The following EYS variants were observed in gnomAD, a reference collection of about 807,000 sequenced individuals.
EYS encodes the protein EGF-like photoreceptor maintenance factor, also known as protein eyes shut homolog.
In EYS, 250 loss-of-function variants were observed where a neutral mutation model predicts 282.1. The observed-to-expected ratio is 0.89, with a 90% CI of 0.80 to 0.98. The LOEUF (loss-of-function observed/expected upper bound fraction) is 0.98. Among genes scored for constraint, EYS ranks in the 50% least tolerant of loss-of-function variants. The pLI is 0.00. For synonymous variants in EYS, 1,355 were observed against 1,282.9 expected (o/e 1.06, Z -1.20); for missense variants, 4,016 against 3,709.0 (o/e 1.08, Z -2.15).
chr6:64,561,901 A>G (rs560297905), intron 26 of EYS, among the ~76,000 whole-genome samples: 2 of 148,416 alleles, frequency 1.3e-5, no homozygotes, highest in African/African-American at 4.9e-5. Context: ...CAAAACTATT[A>G]TAAAATTCAC....
rs141107585 is a variant in EYS, at chr6:63,945,037, G to A, written c.7055+39346C>T. On this transcript the variant is annotated intron_variant, in intron 35 of 42. Coordinates refer to ENST00000503581, the MANE Select transcript of EYS (RefSeq NM_001142800.2). ...GTCAATGACATATATTTGGTTATAC[G>A]GAAGTAAATCACTGTTTTGATAAAT... is the stretch of plus-strand genomic sequence containing the variant. Among the ~76,000 whole-genome samples the A allele has an allele frequency of 2.8e-4, 43 of 152,184 alleles. No homozygotes were observed. The East Asian group carries it at 5.4e-3, about 19-fold the overall frequency.
At chr6:64,895,176 A>T (rs1287473067) in intron 18 of EYS, among the ~76,000 whole-genome samples, 1 of 152,182 alleles carries the variant, frequency 6.6e-6, no homozygotes, top group Non-Finnish European at 1.5e-5. Flanking sequence ...AATAAGATGA[A>T]TGATAGAATA....
intron 22 of EYS, among the ~76,000 whole-genome samples, chr6:64,694,382 AG>A (rs1410466972): frequency 2.0e-5 from 3 of 152,180 alleles, no homozygotes. Flanking sequence ...ATGCATAAGA[AG>A]GAAAAAGAAT....
intron 13 of EYS, among the ~76,000 whole-genome samples, chr6:65,042,413 A>G (rs1470064199): frequency 6.6e-6 from 1 of 151,072 alleles, no homozygotes. Context: ...AATTTGGCCT[A>G]TTGTTTTTTG....
At chr6:65,013,638 G>C (rs1771950928) in intron 13 of EYS, among the ~76,000 whole-genome samples, 1 of 152,156 alleles carries the variant, frequency 6.6e-6, no homozygotes, top group South Asian at 2.1e-4. Context: ...GACTTTGGGA[G>C]GCCAAGGTGG....
At chr6:65,570,025 G>C (rs910767700) in intron 2 of EYS, among the ~76,000 whole-genome samples, 1 of 152,056 alleles carries the variant, frequency 6.6e-6, no homozygotes, top group Non-Finnish European at 1.5e-5. Context: ...AGTCAGCCAT[G>C]AAAGAAAGAT....
intron 15 of EYS, among the ~76,000 whole-genome samples, chr6:64,918,149 C>A (rs1768223439): frequency 6.6e-6 from 1 of 152,078 alleles, no homozygotes; most frequent in African/African-American, 2.4e-5. Flanking sequence ...CAATCTTCTT[C>A]TTGGAAATAA....
At position 65,180,013 on chromosome 6, in the gene EYS, T is replaced by A. The variant is rs1765333229; in HGVS notation, c.2023+115850A>T. Among the ~76,000 whole-genome samples, 3 of 152,052 alleles carry A rather than the reference T, an allele frequency of 2.0e-5. No homozygotes were observed. In the South Asian group the frequency reaches 6.2e-4, roughly 31 times the overall value. On this transcript the variant is annotated intron_variant, in intron 12 of 42. Coordinates refer to ENST00000503581, the MANE Select transcript of EYS (RefSeq NM_001142800.2). ...CTTTGACAAAATTCAACAACCTTCATGCTAAAAAATCTCAATAAACTACGT... is the reference window on the plus strand; with the variant it reads ...CTTTGACAAAATTCAACAACCTTCAAGCTAAAAAATCTCAATAAACTACGT...
chr6:64,780,905 A>C (rs1773838313), intron 22 of EYS, among the ~76,000 whole-genome samples: 1 of 152,238 alleles, frequency 6.6e-6, no homozygotes, highest in Non-Finnish European at 1.5e-5. Context: ...GAATGTGTAT[A>C]TATGCTTCTC....
intron 33 of EYS, among the ~76,000 whole-genome samples, chr6:64,006,173 G>T (rs1021652724): frequency 6.6e-6 from 1 of 151,922 alleles, no homozygotes; most frequent in African/African-American, 2.4e-5. Flanking sequence ...TCTCCTTGTA[G>T]GGATCTTTTA....
intron 5 of EYS, among the ~76,000 whole-genome samples, chr6:65,410,037 T>C (rs970577256): frequency 6.6e-6 from 1 of 152,018 alleles, no homozygotes; most frequent in African/African-American, 2.4e-5. Flanking sequence ...TAACATAATG[T>C]TTTCCTTTTA....
intron 2 of EYS, among the ~76,000 whole-genome samples, chr6:65,523,178 T>G (rs1278574201): frequency 6.6e-6 from 1 of 152,210 alleles, no homozygotes; most frequent in Non-Finnish European, 1.5e-5. Context: ...AAATGCATTA[T>G]GGGGTAATGT....
chr6:63,937,342 T>C (rs1581998687), intron 35 of EYS, among the ~76,000 whole-genome samples: 1 of 86,226 alleles, frequency 1.2e-5, no homozygotes, highest in Non-Finnish European at 2.2e-5. Flanking sequence ...GCTTCTCTCT[T>C]TTCTTTTTTT....
At chr6:64,161,268 A>G (rs1308262694) in intron 31 of EYS, among the ~76,000 whole-genome samples, 1 of 152,226 alleles carries the variant, frequency 6.6e-6, no homozygotes, top group Non-Finnish European at 1.5e-5. Context: ...GAAGATACAT[A>G]AATAATAGCT....
chr6:64,211,512 T>G (rs1765763830), intron 31 of EYS, among the ~76,000 whole-genome samples: 1 of 151,308 alleles, frequency 6.6e-6, no homozygotes, highest in Non-Finnish European at 1.5e-5. Flanking sequence ...GTGAATGATA[T>G]CTACCCTCTC....
chr6:65,167,534 T>C (rs1270636771), intron 12 of EYS, among the ~76,000 whole-genome samples: 1 of 151,256 alleles, frequency 6.6e-6, no homozygotes, highest in Non-Finnish European at 1.5e-5. Context: ...GCAATTTTGC[T>C]ATGAAATGCC....
intron 22 of EYS, among the ~76,000 whole-genome samples, chr6:64,785,239 G>A (rs929719124): frequency 6.6e-6 from 1 of 152,076 alleles, no homozygotes; most frequent in Non-Finnish European, 1.5e-5. Flanking sequence ...TAGCCCTAGG[G>A]ATTTCTTTCT....
At position 65,059,567 on chromosome 6, in the gene EYS, T is replaced by C. The variant is rs536780340; in HGVS notation, c.2024-1840A>G. ...GCTCCCAGGTCCTTGAGAAAGATAGTCTTGGGTTCCTAAATGAACAAGAGG... is the reference window on the plus strand; with the variant it reads ...GCTCCCAGGTCCTTGAGAAAGATAGCCTTGGGTTCCTAAATGAACAAGAGG... On this transcript the variant is annotated intron_variant, in intron 12 of 42. Coordinates refer to ENST00000503581, the MANE Select transcript of EYS (RefSeq NM_001142800.2). Among the ~76,000 whole-genome samples the C allele has an allele frequency of 5.9e-5, 9 of 152,200 alleles. No individual in the cohort carries two copies. The South Asian group carries it at 1.4e-3, about 25-fold the overall frequency.
At chr6:63,829,357 C>G (rs1771561121) in intron 36 of EYS, among the ~76,000 whole-genome samples, 1 of 152,156 alleles carries the variant, frequency 6.6e-6, no homozygotes, top group African/African-American at 2.4e-5. Context: ...TTGGGACACT[C>G]CCACCCTAAT....
Sources: gnomAD v4.1 joint callset for allele counts (sites outside exome capture counted in the v4.1 genomes callset) on GRCh38, gnomAD v4.1.1 for gene constraint, MANE v1.5 for transcripts, NCBI Gene and HGNC (gene_info 2026-07-23, HGNC 2026-07-21) for gene names.